Variants in WDR70 observed in about 807,000 individuals in gnomAD.
WDR70 encodes WD repeat domain 70.
Under a neutral mutation model 88.6 loss-of-function variants are expected in WDR70, and 53 were observed. That is an observed-to-expected ratio of 0.60 (90% CI 0.48 to 0.75). WDR70 has a LOEUF of 0.75. WDR70 is among the 30% of genes least tolerant of loss of function. The pLI is 0.00. For missense variants in WDR70, 610 were observed against 823.2 expected (o/e 0.74, Z 3.17); for synonymous variants, 280 against 270.0 (o/e 1.04, Z -0.36).
intron 8 of WDR70, among the ~76,000 whole-genome samples, chr5:37,497,342 C>G (rs1740254119): frequency 7.0e-6 from 1 of 141,852 alleles, no homozygotes; most frequent in Admixed American, 7.0e-5. Flanking sequence ...CTTTCCCTTC[C>G]CTCTTCCCTT....
intron 7 of WDR70, among the ~76,000 whole-genome samples, chr5:37,452,015 AAAAAG>A (rs1369513558): frequency 1.3e-5 from 2 of 152,158 alleles, no homozygotes; most frequent in Non-Finnish European, 2.9e-5. Flanking sequence ...AACAACAACA[AAAAAG>A]AAAAAAGTGA....
intron 9 of WDR70, among the ~76,000 whole-genome samples, chr5:37,577,568 A>G (rs772391153): frequency 2.6e-5 from 4 of 152,142 alleles, no homozygotes; most frequent in Non-Finnish European, 5.9e-5. Flanking sequence ...CAGGGAGATA[A>G]TGTTTTAGTT....
intron 10 of WDR70, 46 bp downstream of exon 10, chr5:37,605,284 T>A (rs1296045391): frequency 6.5e-7 from 1 of 1,531,506 alleles, no homozygotes; most frequent in Non-Finnish European, 8.8e-7. Context: ...AAATCTTTCC[T>A]TAGAAGATGG....
intron 10 of WDR70, among the ~76,000 whole-genome samples, chr5:37,677,757 G>A (rs1221871763): frequency 6.6e-6 from 1 of 152,160 alleles, no homozygotes; most frequent in Non-Finnish European, 1.5e-5. Context: ...AGGTCTGCTT[G>A]GTGCAGAGCT....
At chr5:37,450,976 G>T (rs1217750273) in intron 7 of WDR70, among the ~76,000 whole-genome samples, 1 of 152,074 alleles carries the variant, frequency 6.6e-6, no homozygotes, top group Non-Finnish European at 1.5e-5. Context: ...TCGGCTCACC[G>T]CAACCTCCAC....
chr5:37,455,529 A>T (rs1738807380), intron 7 of WDR70, among the ~76,000 whole-genome samples: 2 of 150,950 alleles, frequency 1.3e-5, no homozygotes, highest in South Asian at 4.2e-4. Flanking sequence ...GGCGTGAGCC[A>T]TTGCGCCTTA....
At chr5:37,608,038 C>A (rs901610060) in intron 10 of WDR70, among the ~76,000 whole-genome samples, 1 of 100,622 alleles carries the variant, frequency 9.9e-6, no homozygotes, top group Non-Finnish European at 2.0e-5. Flanking sequence ...CTGCAACACT[C>A]TTTTTTTTTT....
intron 10 of WDR70, among the ~76,000 whole-genome samples, chr5:37,617,346 G>T (rs1433524269): frequency 6.6e-6 from 1 of 152,170 alleles, no homozygotes; most frequent in Non-Finnish European, 1.5e-5. Context: ...TGTGGTGATG[G>T]TTGTACAACT....
chr5:37,510,358 T>A (rs1422038816), intron 8 of WDR70, among the ~76,000 whole-genome samples: 1 of 152,186 alleles, frequency 6.6e-6, no homozygotes, highest in African/African-American at 2.4e-5. Flanking sequence ...TACATATATG[T>A]GTGTTTAGTT....
intron 8 of WDR70, among the ~76,000 whole-genome samples, chr5:37,515,510 G>A (rs572345449): frequency 4.6e-5 from 7 of 152,294 alleles, no homozygotes; most frequent in African/African-American, 1.7e-4. Context: ...ACATGGCTAA[G>A]AGTCTCCACC....
intron 8 of WDR70, among the ~76,000 whole-genome samples, chr5:37,507,967 T>C (rs889855876): frequency 1.3e-5 from 2 of 152,192 alleles, no homozygotes; most frequent in Non-Finnish European, 2.9e-5. Context: ...CTTTTATTTT[T>C]TTTCTTGCCT....
intron 9 of WDR70, among the ~76,000 whole-genome samples, chr5:37,572,526 G>T (rs1742937570): frequency 6.6e-6 from 1 of 152,224 alleles, no homozygotes; most frequent in South Asian, 2.1e-4. Context: ...AGGGCCTTCA[G>T]TGTATCCGTC....
chr5:37,582,336 C>T (rs1743242711), intron 9 of WDR70, among the ~76,000 whole-genome samples: 1 of 152,194 alleles, frequency 6.6e-6, no homozygotes, highest in Non-Finnish European at 1.5e-5. Context: ...ATTACAGCCT[C>T]TGGAAACTGG....
chr5:37,586,383 C>T (rs1014085253), intron 9 of WDR70, among the ~76,000 whole-genome samples: 1 of 152,128 alleles, frequency 6.6e-6, no homozygotes, highest in Non-Finnish European at 1.5e-5. Context: ...CTTAACATCT[C>T]TTTGGAATTT....
intron 10 of WDR70, among the ~76,000 whole-genome samples, chr5:37,607,648 T>C (rs1744070359): frequency 6.6e-6 from 1 of 152,194 alleles, no homozygotes; most frequent in Non-Finnish European, 1.5e-5. Flanking sequence ...AGTTTCTCAA[T>C]CACACTGGAC....
At chr5:37,684,972 A>G (rs190480331) in intron 10 of WDR70, among the ~76,000 whole-genome samples, 3 of 152,268 alleles carry the variant, frequency 2.0e-5, no homozygotes, top group South Asian at 2.1e-4. Context: ...TGGTGGTGGT[A>G]TTAGCATGGG....
In WDR70 at chr5:37,745,244, C is replaced by A. The variant is rs138244881; in HGVS notation, c.1878-7242C>A. Reference sequence around the variant, plus strand: ...CAAATGCTGAGGGATTTTGTTACCACGAGGCCTGCACTGCAAGAGCTCCTG... The same window carrying A: ...CAAATGCTGAGGGATTTTGTTACCAAGAGGCCTGCACTGCAAGAGCTCCTG... On this transcript the variant is annotated intron_variant, in intron 17 of 17. Coordinates refer to ENST00000265107, the MANE Select transcript of WDR70 (RefSeq NM_018034.4). Among the ~76,000 whole-genome samples, 17 of 152,030 alleles carry A rather than the reference C, an allele frequency of 1.1e-4. No individual in the cohort carries two copies. In the East Asian group the frequency reaches 2.7e-3, roughly 24 times the overall value.
chr5:37,484,147 C>T (rs182780735), intron 8 of WDR70, among the ~76,000 whole-genome samples: 16 of 152,288 alleles, frequency 1.1e-4, no homozygotes, highest in Admixed American at 3.9e-4. Flanking sequence ...ACTTCCCAGA[C>T]GGGGTGGCAG....
chr5:37,486,413 G>A (rs933575087), intron 8 of WDR70, among the ~76,000 whole-genome samples: 6 of 151,136 alleles, frequency 4.0e-5, no homozygotes, highest in African/African-American at 1.5e-4. Context: ...GCATGATCTC[G>A]GCTCACTACA....
Sources: gnomAD v4.1 joint callset for allele counts (sites outside exome capture counted in the v4.1 genomes callset) on GRCh38, gnomAD v4.1.1 for gene constraint, MANE v1.5 for transcripts, NCBI Gene and HGNC (gene_info 2026-07-23, HGNC 2026-07-21) for gene names.